The following ZNF385D variants were observed in gnomAD, a reference collection of about 807,000 sequenced individuals.
ZNF385D encodes the protein zinc finger protein 385D.
A neutral mutation model predicts 35.8 loss-of-function variants in ZNF385D; 15 were observed. The observed-to-expected ratio is 0.42, with a 90% CI of 0.28 to 0.64. ZNF385D has a LOEUF of 0.64. Ranked by LOEUF, ZNF385D falls within the 30% of genes least tolerant of loss-of-function variation. The pLI, the probability that ZNF385D is intolerant of heterozygous loss-of-function variation, is 0.23. For missense variants in ZNF385D, 474 were observed against 494.6 expected (o/e 0.96, Z 0.39); for synonymous variants, 212 against 186.8 (o/e 1.13, Z -1.10).
intron 2 of ZNF385D, among the ~76,000 whole-genome samples, chr3:21,614,503 C>A (rs904534509): frequency 6.6e-6 from 1 of 152,192 alleles, no homozygotes; most frequent in Admixed American, 6.5e-5. Context: ...ATTGCAGTCA[C>A]ACAGGAGTGG....
At chr3:22,123,175 G>GAA (rs1285087472) in intron 3 of ZNF385D, among the ~76,000 whole-genome samples, 1 of 152,030 alleles carries the variant, frequency 6.6e-6, no homozygotes, top group East Asian at 1.9e-4. Context: ...AGACAGGATG[G>GAA]AAGAGAAGAG....
intron 3 of ZNF385D, among the ~76,000 whole-genome samples, chr3:21,808,261 A>G (rs1046955028): frequency 1.3e-5 from 2 of 152,348 alleles, no homozygotes; most frequent in Admixed American, 1.3e-4. Flanking sequence ...ATAACAACTC[A>G]AACATATTTT....
intron 4 of ZNF385D, among the ~76,000 whole-genome samples, chr3:21,493,788 G>A (rs1208781757): frequency 6.6e-6 from 1 of 151,922 alleles, no homozygotes; most frequent in African/African-American, 2.4e-5. Context: ...CAAAATTACT[G>A]TACTAAAGAT....
chr3:22,155,252 G>C (rs538979572), intron 3 of ZNF385D, among the ~76,000 whole-genome samples: 1 of 152,178 alleles, frequency 6.6e-6, no homozygotes, highest in African/African-American at 2.4e-5. Context: ...ATTGATTGCT[G>C]TGGTAAAGAA....
At chr3:21,473,044 T>C (rs1344738882) in intron 4 of ZNF385D, among the ~76,000 whole-genome samples, 1 of 152,176 alleles carries the variant, frequency 6.6e-6, no homozygotes, top group Non-Finnish European at 1.5e-5. Context: ...TAAACTGACG[T>C]AATCACCTTC....
In ZNF385D at chr3:21,709,304, TC is replaced by T. The variant is rs149120313; in HGVS notation, c.22+41590del. Reference sequence around the variant, plus strand: ...TATATTGTGTTTTCTATGCTAATCTTCCTTCCAAACATTCAATGACTTTCTA... The same window carrying T: ...TATATTGTGTTTTCTATGCTAATCTTCTTCCAAACATTCAATGACTTTCTA... On this transcript the variant is annotated intron_variant, in intron 1 of 7. Coordinates refer to ENST00000281523, the MANE Select transcript of ZNF385D (RefSeq NM_024697.3). Among the ~76,000 whole-genome samples the T allele has an allele frequency of 3.3e-5, 5 of 152,282 alleles. No individual in the cohort carries two copies. The East Asian group carries it at 9.7e-4, about 29-fold the overall frequency.
At chr3:21,804,136 CAT>C (rs765858288) in intron 3 of ZNF385D, among the ~76,000 whole-genome samples, 18 of 152,104 alleles carry the variant, frequency 1.2e-4, no homozygotes, top group Non-Finnish European at 2.2e-4. Context: ...ATTTCTTGTG[CAT>C]ATGTTTTATC....
At chr3:21,811,583 G>A (rs918034289) in intron 3 of ZNF385D, among the ~76,000 whole-genome samples, 2 of 152,156 alleles carry the variant, frequency 1.3e-5, no homozygotes, top group African/African-American at 2.4e-5. Flanking sequence ...GGTTTCCAAT[G>A]TATGGCGATA....
chr3:22,348,376 C>T (rs777351869), intron 2 of ZNF385D, among the ~76,000 whole-genome samples: 2 of 150,566 alleles, frequency 1.3e-5, no homozygotes, highest in African/African-American at 2.5e-5. Flanking sequence ...GGCTGGGTGC[C>T]GTGGCTCATG....
chr3:22,099,523 G>C (rs925374669), intron 3 of ZNF385D, among the ~76,000 whole-genome samples: 3 of 152,088 alleles, frequency 2.0e-5, no homozygotes, highest in Non-Finnish European at 4.4e-5. Context: ...TATCCAGAGA[G>C]AATGGGATTT....
intron 2 of ZNF385D, among the ~76,000 whole-genome samples, chr3:22,299,122 G>C (rs1032333410): frequency 2.6e-5 from 4 of 151,776 alleles, no homozygotes; most frequent in African/African-American, 7.3e-5. Flanking sequence ...AGGTTTCACT[G>C]TATCTGTAAA....
intron 3 of ZNF385D, among the ~76,000 whole-genome samples, chr3:21,928,382 G>A (rs563019770): frequency 6.6e-6 from 1 of 151,162 alleles, no homozygotes; most frequent in Non-Finnish European, 1.5e-5. Flanking sequence ...GGAAAGCAAA[G>A]GAAGAAAGAT....
At chr3:21,500,340 A>C (rs1706267475) in intron 4 of ZNF385D, among the ~76,000 whole-genome samples, 1 of 152,170 alleles carries the variant, frequency 6.6e-6, no homozygotes, top group Non-Finnish European at 1.5e-5. Flanking sequence ...GTTTAATGTA[A>C]AACTGTGCTA....
chr3:21,602,842 T>C (rs2064355783), intron 2 of ZNF385D, among the ~76,000 whole-genome samples: 1 of 152,002 alleles, frequency 6.6e-6, no homozygotes, highest in African/African-American at 2.4e-5. Flanking sequence ...CTCCCTGCAT[T>C]TTCTAAAGTA....
chr3:21,702,041 GT>G (rs1454516969), intron 1 of ZNF385D, among the ~76,000 whole-genome samples: 1 of 152,176 alleles, frequency 6.6e-6, no homozygotes, highest in Non-Finnish European at 1.5e-5. Flanking sequence ...CTGGAGGACA[GT>G]AACCCTCTTC....
chr3:22,082,091 T>C (rs563681217), intron 3 of ZNF385D, among the ~76,000 whole-genome samples: 2 of 151,602 alleles, frequency 1.3e-5, no homozygotes, highest in Admixed American at 1.3e-4. Context: ...TGTTCCAAAC[T>C]GTCTGAATAC....
chr3:22,246,712 ATTC>A (rs1347567118), intron 2 of ZNF385D, among the ~76,000 whole-genome samples: 1 of 152,040 alleles, frequency 6.6e-6, no homozygotes, highest in Admixed American at 6.6e-5. Flanking sequence ...TGCATTTTTT[ATTC>A]TTATTATGAA....
chr3:22,061,030 G>C (rs1047669482), intron 3 of ZNF385D, among the ~76,000 whole-genome samples: 2 of 151,956 alleles, frequency 1.3e-5, no homozygotes, highest in African/African-American at 4.8e-5. Flanking sequence ...ATATTTAAAA[G>C]GTTTGTTGAT....
At chr3:21,577,845 C>A (rs1238265014) in intron 2 of ZNF385D, among the ~76,000 whole-genome samples, 1 of 150,682 alleles carries the variant, frequency 6.6e-6, no homozygotes, top group Non-Finnish European at 1.5e-5. Flanking sequence ...GGTCTCACTC[C>A]ATTGCCCAGG....
Sources: gnomAD v4.1 joint callset for allele counts (sites outside exome capture counted in the v4.1 genomes callset) on GRCh38, gnomAD v4.1.1 for gene constraint, MANE v1.5 for transcripts, NCBI Gene and HGNC (gene_info 2026-07-23, HGNC 2026-07-21) for gene names.